The following CEP290 variants were observed in gnomAD, a reference collection of about 807,000 sequenced individuals.
The protein encoded by CEP290 is centrosomal protein of 290 kDa.
A neutral mutation model predicts 344.9 loss-of-function variants in CEP290; 317 were observed. The observed-to-expected ratio is 0.92, with a 90% CI of 0.84 to 1.01. CEP290 has a LOEUF of 1.01. Among genes scored for constraint, CEP290 ranks in the 50% least tolerant of loss-of-function variants. The pLI is 0.00. For missense variants in CEP290, 2,754 were observed against 2,761.4 expected (o/e 1.00, Z 0.06); for synonymous variants, 932 against 895.8 (o/e 1.04, Z -0.72).
chr12:88,111,044 T>C (rs939759420), intron 22 of CEP290, among the ~76,000 whole-genome samples, 158 bp downstream of exon 22: 1 of 152,140 alleles, frequency 6.6e-6, no homozygotes, highest in Non-Finnish European at 1.5e-5. Context: ...CAGGAATACA[T>C]GAAGACTAAA....
chr12:88,073,604 G>A lies in CEP290; in HGVS notation c.5710-1678C>T, dbSNP rs142280334. ...TGAAACATTATATTTTTTATTAAAG[G>A]GAATGTTGAATCTGAAAGGGTTGAG... is the stretch of plus-strand genomic sequence containing the variant. On this transcript the variant is annotated intron_variant, in intron 41 of 53. Coordinates refer to ENST00000552810, the MANE Select transcript of CEP290 (RefSeq NM_025114.4). Among the ~76,000 whole-genome samples the A allele has an allele frequency of 2.8e-4, 42 of 152,004 alleles. 1 individual carries two copies. The highest frequency in any genetic ancestry group is 9.7e-4 in the African/African-American group (40 of 41,426).
Position 88,102,915 on chromosome 12 carries a change from G to A in CEP290, c.2914C>T (p.Leu972=). The A allele has an allele frequency of 6.2e-7, 1 of 1,609,502 alleles. No individual in the cohort carries two copies. Among genetic ancestry groups the A allele is most frequent in the Admixed American group, 1.7e-5 (1 of 59,444 alleles). The change falls in exon 26 of 54, where the codon CTG becomes TTG. Residue 972 remains leucine (L), a synonymous_variant. Transcript: ENST00000552810. ...LELANKQYNE[L]TAKYRDILQK... is the part of the protein sequence containing the mutation. The stretch of plus-strand genomic sequence containing the variant: ...AAGATGTCCCTGTACTTAGCAGTCA[G>A]TTCATTGTACTGTTTATTAGCCAGT...
At chr12:88,049,634 T>C (rs1324294733) in intron 53 of CEP290, 1 of 384,256 alleles carries the variant, frequency 2.6e-6, no homozygotes, top group African/African-American at 2.1e-5. Context: ...TAAGTTGTGT[T>C]CTAGTCTTTG....
chr12:88,089,341 C>A lies in CEP290; in HGVS notation c.3720G>T (p.Gln1240His). 6.2e-7 allele frequency: 1 copy of A among 1,613,944 alleles called. No individual in the cohort carries two copies. ...KMEAYNLRLE[Q>H]KLDEKEQALY... Reference sequence around the variant, plus strand: ...GAGCCTGTTCTTTTTCATCAAGTTTCTGCTCTAAGCGCAAGTTGTAGGCCT... The same window carrying A: ...GAGCCTGTTCTTTTTCATCAAGTTTATGCTCTAAGCGCAAGTTGTAGGCCT... Residue 1240 changes from glutamine to histidine, a missense_variant, in exon 31 of 54, where the codon CAG (glutamine) becomes CAT (histidine). Gln to His is a conservative substitution (Grantham distance 24, BLOSUM62 0). Coordinates refer to ENST00000552810, the MANE Select transcript of CEP290 (RefSeq NM_025114.4).
chr12:88,118,180 G>C (rs2039172270), intron 17 of CEP290, among the ~76,000 whole-genome samples: 1 of 151,920 alleles, frequency 6.6e-6, no homozygotes, highest in East Asian at 1.9e-4. Context: ...CAACATATTG[G>C]TGCTGTCTAG....
intron 23 of CEP290, 99 bp from the exon 24 acceptor site, chr12:88,107,197 C>T: frequency 1.5e-6 from 1 of 683,010 alleles, no homozygotes; most frequent in East Asian, 3.0e-5. Flanking sequence ...GTTTTCTCAA[C>T]ACAAGAGGTA....
intron 52 of CEP290, 35 bp downstream of exon 52, chr12:88,053,617 T>C: frequency 1.9e-6 from 2 of 1,069,000 alleles, no homozygotes; most frequent in Non-Finnish European, 2.8e-6. Context: ...TTCAAAAACT[T>C]GGGGGTAGCT....
At chr12:88,081,238 G>A (rs1729370549) in intron 37 of CEP290, among the ~76,000 whole-genome samples, 1 of 152,102 alleles carries the variant, frequency 6.6e-6, no homozygotes, top group African/African-American at 2.4e-5. Context: ...GGACAATGGT[G>A]AAAAACTGAT....
In CEP290 at chr12:88,049,411, C is replaced by T. The variant is rs1393659962; in HGVS notation, c.7213G>A (p.Glu2405Lys). Residue 2405 changes from glutamate (E) to lysine (K), a missense_variant, in exon 54 of 54, where the codon GAA becomes AAA. Physicochemically the swap from Glu to Lys is moderately conservative, Grantham distance 56 (BLOSUM62 1). Coordinates refer to ENST00000552810, the MANE Select transcript of CEP290 (RefSeq NM_025114.4). ...AGTTCTTTTTTCAGCTTCTTTATTT[C>T]CTCCTAATGGAAACATTATCTTTAA... ...SDLEKQHLKE[E>K]IKKLKKELEN... is the part of the protein sequence containing the mutation. 1.4e-6 allele frequency: 2 copies of T among 1,387,406 alleles called. No individual in the cohort carries two copies. The highest frequency in any genetic ancestry group is 2.0e-6 in the Non-Finnish European group (2 of 1,004,196). The allele number at this position is 1,387,406 out of a possible 1,614,324, so 85.9% of individuals were successfully genotyped here.
chr12:88,139,511 T>G lies in CEP290; in HGVS notation c.234A>C (p.Glu78Asp). The stretch of plus-strand genomic sequence containing the variant: ...GGTGCTTACCAAATTTTGCTTGTTC[T>G]TCTCCAGCTTTTTCTACTTCTTCCA... ...LALEEVEKAG[E>D]EQAKFENQLK... Residue 78 changes from glutamate (E) to aspartate (D), a missense_variant, in exon 4 of 54, where the codon GAA (glutamate) becomes GAC (aspartate). By Grantham distance (45) the Glu-to-Asp change is conservative (BLOSUM62 2). Transcript: ENST00000552810. The G allele has an allele frequency of 6.2e-7, 1 of 1,600,356 alleles. No homozygotes were observed.
At chr12:88,134,581 C>T (rs2040252625) in intron 6 of CEP290, among the ~76,000 whole-genome samples, 1 of 152,180 alleles carries the variant, frequency 6.6e-6, no homozygotes, top group Non-Finnish European at 1.5e-5. Flanking sequence ...CAAGATAGCA[C>T]AGACTCTTGA....
Position 88,137,066 on chromosome 12 carries a change from C to T in CEP290, c.298-280G>A, listed in dbSNP as rs193275221. ...AACCACTGGGCCACAGGTAACCAGA[C>T]TAAACTGCAAAGGTTCCTGAGCCTC... is the stretch of plus-strand genomic sequence containing the variant. On this transcript the variant is annotated intron_variant, in intron 5 of 53. Transcript: ENST00000552810. Among the ~76,000 whole-genome samples the T allele has an allele frequency of 4.3e-3, 653 of 152,172 alleles. 4 individuals carry two copies. The highest frequency in any genetic ancestry group is 0.014 in the Middle Eastern group (4 of 294).
At chr12:88,059,259 C>T (rs1415057144) in intron 48 of CEP290, among the ~76,000 whole-genome samples, 1 of 152,142 alleles carries the variant, frequency 6.6e-6, no homozygotes, top group Admixed American at 6.5e-5. Flanking sequence ...CTAGTGATTA[C>T]TTTAAATTTG....
At chr12:88,068,348 G>A (rs1234920101) in intron 44 of CEP290, among the ~76,000 whole-genome samples, 174 bp downstream of exon 44, 1 of 151,666 alleles carries the variant, frequency 6.6e-6, no homozygotes, top group Non-Finnish European at 1.5e-5. Context: ...ATGTTAAAAA[G>A]GATTAAATAA....
chr12:88,137,159 C>A (rs1424952629), intron 5 of CEP290, among the ~76,000 whole-genome samples: 2 of 152,140 alleles, frequency 1.3e-5, no homozygotes, highest in Non-Finnish European at 2.9e-5. Flanking sequence ...AGTGCCTTAA[C>A]CTGCCCTTTC....
intron 52 of CEP290, among the ~76,000 whole-genome samples, chr12:88,051,426 T>C (rs774318124): frequency 6.6e-6 from 1 of 152,168 alleles, no homozygotes; most frequent in Non-Finnish European, 1.5e-5. Context: ...CTCGAACTCC[T>C]GACCTCATGT....
intron 13 of CEP290, among the ~76,000 whole-genome samples, chr12:88,121,751 G>T (rs1423208030): frequency 1.3e-5 from 2 of 152,098 alleles, no homozygotes; most frequent in African/African-American, 4.8e-5. Context: ...GATAGGCACA[G>T]CAACAAGAGA....
At chr12:88,130,009 G>T in intron 9 of CEP290, 133 bp from the exon 10 acceptor site, 1 of 651,750 alleles carries the variant, frequency 1.5e-6, no homozygotes, top group Non-Finnish European at 2.4e-6. Flanking sequence ...TTACTAATTG[G>T]CATTGACCAA....
At chr12:88,103,057 T>C (rs752357585) in intron 25 of CEP290, 46 bp from the exon 26 acceptor site, 15 of 1,305,478 alleles carry the variant, frequency 1.1e-5, no homozygotes, top group Non-Finnish European at 1.5e-5. Flanking sequence ...TCTTTTTTTC[T>C]GGTCAAGCAC....
Sources: gnomAD v4.1 joint callset for allele counts (sites outside exome capture counted in the v4.1 genomes callset) on GRCh38, gnomAD v4.1.1 for gene constraint, MANE v1.5 for transcripts, NCBI Gene and HGNC (gene_info 2026-07-23, HGNC 2026-07-21) for gene names.